WDR91: variants seen among roughly 807,000 people sequenced by gnomAD.
WDR91 encodes the protein WD repeat domain 91, also known as WD repeat-containing protein 91.
Under a neutral mutation model 88.4 loss-of-function variants are expected in WDR91, and 52 were observed. The ratio of observed to expected loss-of-function variants is 0.59; its 90% CI spans 0.47 to 0.74. The LOEUF (loss-of-function observed/expected upper bound fraction) is 0.74, where lower values mean the gene tolerates loss of function less well. Ranked by LOEUF, WDR91 falls within the 30% of genes least tolerant of loss-of-function variation. The pLI, the probability that WDR91 is intolerant of heterozygous loss-of-function variation, is 0.00. For synonymous variants in WDR91, 362 were observed against 389.5 expected, an observed-to-expected ratio of 0.93 and a Z score of 0.83; for missense variants, 824 against 954.5, an observed-to-expected ratio of 0.86 and a Z score of 1.80.
At chr7:135,198,955 C>T (rs1015720819) in intron 6 of WDR91, 1 of 152,158 alleles carries the variant, frequency 6.6e-6, no homozygotes, top group East Asian at 1.9e-4. Flanking sequence ...CAGCTTTTTA[C>T]CCACAAATTG....
intron 6 of WDR91, among the ~76,000 whole-genome samples, chr7:135,201,771 T>C (rs1831578872): frequency 6.6e-6 from 1 of 151,908 alleles, no homozygotes; most frequent in South Asian, 2.1e-4. Context: ...TAAAAACCAA[T>C]GCCATTGTAT....
chr7:135,208,770 C>T, intron 3 of WDR91, 21 bp downstream of exon 3: 1 of 1,560,520 alleles, frequency 6.4e-7, no homozygotes, highest in Non-Finnish European at 8.7e-7. Flanking sequence ...GGCCTTCAGC[C>T]CCAGGCAACT....
chr7:135,202,101 G>A (rs1831595814), intron 6 of WDR91: 1 of 152,236 alleles, frequency 6.6e-6, no homozygotes, highest in Admixed American at 6.5e-5. Context: ...GCTAAGATCT[G>A]TGAGGAAAAG....
At position 135,196,392 on chromosome 7, in the gene WDR91, G is replaced by C; in HGVS notation, c.1051-55C>G. 6.9e-7 allele frequency: 1 copy of C among 1,456,294 alleles called. No individual in the cohort carries two copies. The allele number at this position is 1,456,294 out of a possible 1,614,324, so 90.2% of individuals were successfully genotyped here. ...CCAGGAAAGGGTCCCCCACACCAGG[G>C]TGTACACCGCAGGGGGTCTAGGCCT... is the stretch of plus-strand genomic sequence containing the variant. On this transcript the variant is annotated intron_variant, in intron 7 of 14. Coordinates refer to ENST00000354475, the MANE Select transcript of WDR91 (RefSeq NM_014149.4). The surrounding 1 kb of genome is among the most constrained non-coding windows in gnomAD (Gnocchi z 4.2).
rs1585417186 is a variant in WDR91 at position 135,196,178 on chromosome 7, A to C, written c.1210T>G (p.Tyr404Asp). The C allele has an allele frequency of 6.3e-7, 1 of 1,588,208 alleles. No individual in the cohort carries two copies. The highest frequency in any genetic ancestry group is 8.6e-7 in the Non-Finnish European group (1 of 1,166,296). The stretch of plus-strand genomic sequence containing the variant: ...ATGATGGATGAGTGGTGTTCCCCGT[A>C]CTCCTCCTGTCCCAGCACAATAAAG... ...QPFIVLGQEE[Y>D]GEHHSSIMHC... is the part of the protein sequence containing the mutation. Residue 404 changes from tyrosine to aspartate, a missense_variant, in exon 8 of 15, where the codon TAC becomes GAC. By Grantham distance (160) the Tyr-to-Asp change is radical. Transcript: ENST00000354475. The surrounding 1 kb of genome is among the most constrained non-coding windows in gnomAD (Gnocchi z 4.2).
intron 11 of WDR91, among the ~76,000 whole-genome samples, chr7:135,190,771 GGAGA>G (rs1366571818): frequency 1.3e-5 from 2 of 152,156 alleles, no homozygotes; most frequent in African/African-American, 4.8e-5. Flanking sequence ...ATATAGTAGA[GGAGA>G]GATTAGCAAA....
At chr7:135,204,473 A>C in intron 5 of WDR91, 40 bp from the exon 6 acceptor site, 1 of 1,604,740 alleles carries the variant, frequency 6.2e-7, no homozygotes, top group South Asian at 1.1e-5. Flanking sequence ...GGGCTGAAAC[A>C]GGATGTGGAA....
chr7:135,190,023 TAC>T (rs1831103227), intron 11 of WDR91, among the ~76,000 whole-genome samples: 1 of 152,180 alleles, frequency 6.6e-6, no homozygotes. Flanking sequence ...TTATTTAAAA[TAC>T]ACACAGAGTA....
chr7:135,188,383 G>A (rs775618556), intron 13 of WDR91, 50 bp downstream of exon 13: 111 of 1,526,650 alleles, frequency 7.3e-5, no homozygotes, highest in Non-Finnish European at 1.0e-4. Flanking sequence ...CCTGCAGCCG[G>A]CCCACATGTC....
At chr7:135,201,722 A>G (rs1394822395) in intron 6 of WDR91, among the ~76,000 whole-genome samples, 1 of 152,266 alleles carries the variant, frequency 6.6e-6, no homozygotes, top group Non-Finnish European at 1.5e-5. Flanking sequence ...AAAAAAGATG[A>G]CATGCTTAAT....
In WDR91 at chr7:135,209,672, C is replaced by T. The variant is rs2117732491; in HGVS notation, c.207G>A (p.Glu69=). The T allele has an allele frequency of 6.2e-7, 1 of 1,613,680 alleles. No homozygotes were observed. Among genetic ancestry groups the T allele is most frequent in the East Asian group, 2.2e-5 (1 of 44,848 alleles). ...CCTCCAAGCGGCTGAAGAGCCGACG[C>T]TCCAAGTAGCTCCAATAATCCCGAA... is the stretch of plus-strand genomic sequence containing the variant. ...AALRDYWSYL[E]RRLFSRLEDI... The change falls in exon 2 of 15, where the codon GAG becomes GAA. Residue 69 remains glutamate, a synonymous_variant. Coordinates refer to ENST00000354475, the MANE Select transcript of WDR91 (RefSeq NM_014149.4).
chr7:135,211,431 T>C lies in WDR91; in HGVS notation c.72A>G (p.Thr24=). 6.2e-7 allele frequency: 1 copy of C among 1,612,414 alleles called. No homozygotes were observed. The highest frequency in any genetic ancestry group is 8.5e-7 in the Non-Finnish European group (1 of 1,179,328). The change falls in exon 1 of 15, where the codon ACA becomes ACG. Residue 24 remains threonine, a synonymous_variant. Coordinates refer to ENST00000354475, the MANE Select transcript of WDR91 (RefSeq NM_014149.4). ...TGATCTCGGCGTCCAGCTGCCGCAG[T>C]GTGTGCGTGAACCCGCGGAAGAGCA... ...EYLLFRGFTH[T]LRQLDAEIKA...
In WDR91 at chr7:135,208,895, G is replaced by A. The variant is rs755478874; in HGVS notation, c.407C>T (p.Ser136Phe). The A allele has an allele frequency of 6.2e-6, 10 of 1,614,102 alleles. No homozygotes were observed. The highest frequency in any genetic ancestry group is 8.5e-6 in the Non-Finnish European group (10 of 1,180,050). Residue 136 changes from serine to phenylalanine, a missense_variant, in exon 3 of 15, where the codon TCC (serine) becomes TTC (phenylalanine). Coordinates refer to ENST00000354475, the MANE Select transcript of WDR91 (RefSeq NM_014149.4). ...AGCAAAGGTGGGGTTGGTGTCCGGGGATGGCAGGAAGGGCAGGACAAACCA... is the reference window on the plus strand; with the variant it reads ...AGCAAAGGTGGGGTTGGTGTCCGGGAATGGCAGGAAGGGCAGGACAAACCA... The part of the protein sequence containing the change: ...KDWFVLPFLP[S>F]PDTNPTFATY...
At chr7:135,190,197 A>G (rs1831110275) in intron 11 of WDR91, among the ~76,000 whole-genome samples, 2 of 152,194 alleles carry the variant, frequency 1.3e-5, no homozygotes, top group Admixed American at 1.3e-4. Flanking sequence ...AGGAGCCTGG[A>G]GACAACCATG....
chr7:135,204,129 T>C, intron 6 of WDR91, 139 bp downstream of exon 6: 2 of 970,890 alleles, frequency 2.1e-6, no homozygotes, highest in Non-Finnish European at 2.9e-6. Context: ...AGATTTCAAT[T>C]CAGAATCTCA....
At chr7:135,195,556 C>T (rs1271528792) in intron 8 of WDR91, among the ~76,000 whole-genome samples, 1 of 152,212 alleles carries the variant, frequency 6.6e-6, no homozygotes, top group Non-Finnish European at 1.5e-5. Flanking sequence ...CAGGTATTTA[C>T]CTAAAAGTAC....
chr7:135,207,470 A>G (rs1264313973), intron 3 of WDR91: 3 of 459,922 alleles, frequency 6.5e-6, no homozygotes, highest in African/African-American at 6.0e-5. Context: ...CATAAATCCA[A>G]ACCTAAGCAT....
At chr7:135,205,880 G>C in intron 5 of WDR91, 48 bp downstream of exon 5, 1 of 1,610,558 alleles carries the variant, frequency 6.2e-7, no homozygotes. Context: ...CTGTGGGGCT[G>C]AGAGCACAGA....
rs372489339 is a variant in WDR91 at position 135,187,184 on chromosome 7, C to T, written c.1882-15G>A. ...CACTGGATGAACTGCAGTCACAGGGCACAAGCAGGGTGCTCGCAGCGGAGC... is the reference window on the plus strand; with the variant it reads ...CACTGGATGAACTGCAGTCACAGGGTACAAGCAGGGTGCTCGCAGCGGAGC... On this transcript the variant is annotated splice_polypyrimidine_tract_variant and intron_variant, in intron 13 of 14. Coordinates refer to ENST00000354475, the MANE Select transcript of WDR91 (RefSeq NM_014149.4). The T allele has an allele frequency of 1.2e-6, 2 of 1,613,684 alleles. No homozygotes were observed. The highest frequency in any genetic ancestry group is 1.7e-6 in the Non-Finnish European group (2 of 1,179,904).
Sources: gnomAD v4.1 joint callset for allele counts (sites outside exome capture counted in the v4.1 genomes callset) on GRCh38, gnomAD v4.1.1 for gene constraint, Gnocchi (gnomAD v3.1) non-coding constraint, MANE v1.5 for transcripts, NCBI Gene and HGNC (gene_info 2026-07-23, HGNC 2026-07-21) for gene names.